The following KDM4C variants were observed in gnomAD, a reference collection of about 807,000 sequenced individuals.
KDM4C encodes lysine demethylase 4C.
In KDM4C, 81 loss-of-function variants were observed where a neutral mutation model predicts 129.3. The observed-to-expected ratio is 0.63, with a 90% confidence interval of 0.52 to 0.75. The LOEUF is 0.75. KDM4C is among the 30% of genes least tolerant of loss of function. The pLI, the probability that KDM4C is intolerant of heterozygous loss-of-function variation, is 0.00. For synonymous variants in KDM4C, 573 were observed against 456.1 expected (o/e 1.26, Z -3.26); for missense variants, 1,457 against 1,304.0 (o/e 1.12, Z -1.81).
At chr9:6,803,149 C>T (rs997176694) in intron 2 of KDM4C, among the ~76,000 whole-genome samples, 1 of 152,196 alleles carries the variant, frequency 6.6e-6, no homozygotes, top group African/African-American at 2.4e-5. Context: ...TGTATCGTGC[C>T]AGCAATATCT....
chr9:7,008,436 C>T (rs543118591), intron 12 of KDM4C, among the ~76,000 whole-genome samples: 10 of 152,272 alleles, frequency 6.6e-5, no homozygotes, highest in African/African-American at 2.2e-4. Context: ...TCCCAGACTC[C>T]AGGCTCACTC....
intron 17 of KDM4C, among the ~76,000 whole-genome samples, chr9:7,080,873 C>T (rs997798889): frequency 6.6e-6 from 1 of 152,172 alleles, no homozygotes; most frequent in African/African-American, 2.4e-5. Flanking sequence ...CAAAAACGTT[C>T]ACTGACCACT....
intron 5 of KDM4C, among the ~76,000 whole-genome samples, chr9:6,856,902 C>T (rs1006241026): frequency 1.3e-4 from 20 of 151,864 alleles, no homozygotes; most frequent in African/African-American, 4.1e-4. Flanking sequence ...GGACTACAGG[C>T]GCCCGCCACC....
rs370860325 is a variant in KDM4C at position 6,824,681 on chromosome 9, T to A, written c.435+9936T>A. On this transcript the variant is annotated intron_variant, in intron 4 of 21. Coordinates refer to ENST00000381309, the MANE Select transcript of KDM4C (RefSeq NM_015061.6). ...AAGAGAATATTTAAAAAATATTTAA[T>A]TCATTAAAACAGTCCATTATATATC... Among the ~76,000 whole-genome samples, 6 of 151,510 alleles carry A rather than the reference T, an allele frequency of 4.0e-5. No individual in the cohort carries two copies. In the South Asian group the frequency reaches 6.3e-4, roughly 16 times the overall value.
intron 12 of KDM4C, among the ~76,000 whole-genome samples, chr9:6,990,958 G>C (rs1326121285): frequency 6.6e-6 from 1 of 152,086 alleles, no homozygotes; most frequent in East Asian, 1.9e-4. Context: ...ATATCCTTTT[G>C]TAACTGGTGT....
intron 8 of KDM4C, among the ~76,000 whole-genome samples, chr9:6,961,168 A>G (rs1441167794): frequency 6.6e-6 from 1 of 152,236 alleles, no homozygotes; most frequent in Non-Finnish European, 1.5e-5. Flanking sequence ...TACTAAAGGT[A>G]ATATCTAAAA....
At chr9:6,724,367 C>G (rs1467937699) in intron 1 of KDM4C, among the ~76,000 whole-genome samples, 2 of 151,958 alleles carry the variant, frequency 1.3e-5, no homozygotes, top group Non-Finnish European at 2.9e-5. Flanking sequence ...TAGACACTAA[C>G]AAAGAAAGCA....
intron 4 of KDM4C, among the ~76,000 whole-genome samples, chr9:6,839,722 G>A (rs1380334245): frequency 6.6e-6 from 1 of 152,008 alleles, no homozygotes; most frequent in African/African-American, 2.4e-5. Flanking sequence ...CCAACATGGT[G>A]AAACCCTGTC....
intron 15 of KDM4C, among the ~76,000 whole-genome samples, chr9:7,040,306 C>T (rs2132461564): frequency 6.7e-6 from 1 of 150,234 alleles, no homozygotes; most frequent in Non-Finnish European, 1.5e-5. Flanking sequence ...TCCTTCCCTC[C>T]CTCCCTCTGT....
chr9:6,919,591 C>A (rs1238353601), intron 8 of KDM4C, among the ~76,000 whole-genome samples: 3 of 149,076 alleles, frequency 2.0e-5, no homozygotes, highest in African/African-American at 7.5e-5. Context: ...ATCTATCTAT[C>A]TAGGATGGAG....
intron 15 of KDM4C, among the ~76,000 whole-genome samples, chr9:7,036,153 A>C (rs536780510): frequency 3.3e-5 from 5 of 151,864 alleles, no homozygotes; most frequent in African/African-American, 1.2e-4. Context: ...TATCTCCTTC[A>C]GTTTCTTTCT....
chr9:6,985,211 A>G (rs1213257683), intron 10 of KDM4C, among the ~76,000 whole-genome samples: 2 of 152,194 alleles, frequency 1.3e-5, no homozygotes, highest in African/African-American at 4.8e-5. Flanking sequence ...GGTGGCCATT[A>G]GAGTGATCCT....
Position 7,175,406 on chromosome 9 carries a change from G to T in KDM4C, c.*677G>T, listed in dbSNP as rs1845350762. The T allele has an allele frequency of 6.6e-6, 1 of 152,562 alleles. No individual in the cohort carries two copies. The highest frequency in any genetic ancestry group is 2.4e-5 in the African/African-American group (1 of 41,434). The allele number at this position is 152,562 out of a possible 1,614,324, so 9.5% of individuals were successfully genotyped here. ...AGAAAGAATTCTTATGAATTGTTAT[G>T]CGAATTTTATATATTTAAAGAGGGA... On this transcript the variant is annotated 3_prime_UTR_variant, in exon 22 of 22. Transcript: ENST00000381309.
chr9:7,077,115 G>C (rs564721869), intron 17 of KDM4C: 1 of 985,184 alleles, frequency 1.0e-6, no homozygotes. Flanking sequence ...ATATGCTATC[G>C]AAACAGATGT....
chr9:6,866,702 T>C (rs1045498943), intron 5 of KDM4C, among the ~76,000 whole-genome samples: 3 of 152,102 alleles, frequency 2.0e-5, no homozygotes, highest in Non-Finnish European at 4.4e-5. Flanking sequence ...ATCTCTATTC[T>C]AGTGTAGAAA....
In KDM4C at chr9:6,959,535, A is replaced by G. The variant is rs539178448; in HGVS notation, c.922-21390A>G. On this transcript the variant is annotated intron_variant, in intron 8 of 21. Coordinates refer to ENST00000381309, the MANE Select transcript of KDM4C (RefSeq NM_015061.6). ...CAGAAGCTACATATTTACTCTGAGC[A>G]ACTGCAAGAGCCAGCTGGTAGGTTT... Among the ~76,000 whole-genome samples the G allele has an allele frequency of 2.6e-5, 4 of 152,326 alleles. No homozygotes were observed. The East Asian group carries it at 7.7e-4, about 29-fold the overall frequency.
At chr9:7,045,586 G>A (rs559243001) in intron 15 of KDM4C, among the ~76,000 whole-genome samples, 38 of 151,984 alleles carry the variant, frequency 2.5e-4, no homozygotes, top group South Asian at 6.2e-4. Context: ...AGGCCTCTAG[G>A]ATATGGCTTT....
chr9:7,009,602 G>C (rs1455348958), intron 12 of KDM4C, among the ~76,000 whole-genome samples: 1 of 152,108 alleles, frequency 6.6e-6, no homozygotes, highest in Non-Finnish European at 1.5e-5. Flanking sequence ...GATTCATGCT[G>C]AGACACCAAC....
At chr9:6,818,756 GA>G (rs1267947469) in intron 4 of KDM4C, among the ~76,000 whole-genome samples, 1 of 152,212 alleles carries the variant, frequency 6.6e-6, no homozygotes, top group Non-Finnish European at 1.5e-5. Flanking sequence ...ATGGGGCCCA[GA>G]GAGGGTCAAG....
Sources: allele counts gnomAD v4.1 joint callset (sites outside exome capture counted in the v4.1 genomes callset), GRCh38; gene constraint gnomAD v4.1.1; transcripts MANE v1.5; gene names NCBI Gene and HGNC (gene_info 2026-07-23, HGNC 2026-07-21).